Variants in PTPRO observed in about 807,000 individuals in gnomAD.
PTPRO encodes receptor-type tyrosine-protein phosphatase O.
In PTPRO, 62 loss-of-function variants were observed where a neutral mutation model predicts 145.2. That is an observed-to-expected ratio of 0.43 (90% CI 0.35 to 0.53). The LOEUF (loss-of-function observed/expected upper bound fraction) is 0.53, where lower values mean the gene tolerates loss of function less well. PTPRO is among the 20% of genes least tolerant of loss of function. The pLI, the probability that PTPRO is intolerant of heterozygous loss-of-function variation, is 0.01. For synonymous variants in PTPRO, 565 were observed against 514.7 expected (o/e 1.10, Z -1.32); for missense variants, 1,345 against 1,482.7 (o/e 0.91, Z 1.53).
At chr12:15,323,220 T>C (rs1206814359) in intron 1 of PTPRO, among the ~76,000 whole-genome samples, 4 of 152,204 alleles carry the variant, frequency 2.6e-5, no homozygotes, top group Non-Finnish European at 5.9e-5. Flanking sequence ...GCTGGAATTA[T>C]ACACTGGAGA....
Position 15,569,515 on chromosome 12 carries a change from A to G in PTPRO, c.2829+17A>G. On this transcript the variant is annotated intron_variant, in intron 19 of 26. Coordinates refer to ENST00000281171, the MANE Select transcript of PTPRO (RefSeq NM_030667.3). ...CAGTTTGAGGTGAGTTGGTTAAGGC[A>G]TTTTCTACCTTCTGTAATGGAAAGG... The G allele has an allele frequency of 6.3e-7, 1 of 1,588,288 alleles. No individual in the cohort carries two copies. The highest frequency in any genetic ancestry group is 8.6e-7 in the Non-Finnish European group (1 of 1,156,804).
chr12:15,532,155 G>A (rs1484446806), intron 12 of PTPRO, among the ~76,000 whole-genome samples: 1 of 152,088 alleles, frequency 6.6e-6, no homozygotes, highest in East Asian at 1.9e-4. Context: ...CAAAAGCTAA[G>A]TTTTTGTGCT....
Position 15,480,713 on chromosome 12 carries a change from G to A in PTPRO, c.76-3261G>A, listed in dbSNP as rs370261641. Among the ~76,000 whole-genome samples the A allele has an allele frequency of 1.1e-3, 166 of 151,864 alleles. 1 individual carries two copies. The highest frequency in any genetic ancestry group is 0.01 in the Middle Eastern group (3 of 294). On this transcript the variant is annotated intron_variant, in intron 1 of 26. Transcript: ENST00000281171. ...AGCATCTGCCCTCTGGCTATAAGCT[G>A]ATGTAGAAGATGGATGGATGGATGG...
At chr12:15,353,400 AC>A (rs1400085903) in intron 1 of PTPRO, among the ~76,000 whole-genome samples, 2 of 150,648 alleles carry the variant, frequency 1.3e-5, no homozygotes, top group Non-Finnish European at 3.0e-5. Context: ...TAAGAATTTA[AC>A]CATGTTGATG....
chr12:15,589,658 T>G, intron 25 of PTPRO, 68 bp downstream of exon 25: 1 of 1,564,414 alleles, frequency 6.4e-7, no homozygotes, highest in Non-Finnish European at 8.8e-7. Flanking sequence ...TATTCAATGA[T>G]ATGCTTCAAA....
chr12:15,551,757 T>C (rs2135561944), intron 15 of PTPRO, 86 bp downstream of exon 15: 1 of 1,428,110 alleles, frequency 7.0e-7, no homozygotes, highest in Admixed American at 1.8e-5. Context: ...ACACCTAAGT[T>C]GTATAGCGGT....
At chr12:15,365,187 AG>A (rs1308083910) in intron 1 of PTPRO, among the ~76,000 whole-genome samples, 2 of 152,122 alleles carry the variant, frequency 1.3e-5, no homozygotes, top group African/African-American at 4.8e-5. Flanking sequence ...GGAGGTCCTT[AG>A]GAACCCTACA....
intron 1 of PTPRO, among the ~76,000 whole-genome samples, chr12:15,465,258 AG>A (rs1237487255): frequency 3.3e-5 from 5 of 152,250 alleles, no homozygotes; most frequent in African/African-American, 1.2e-4. Context: ...AAATAGCATC[AG>A]TGCTGGCTGA....
chr12:15,368,504 A>G lies in PTPRO; in HGVS notation c.75+45703A>G, dbSNP rs923743477. Among the ~76,000 whole-genome samples the G allele has an allele frequency of 5.3e-5, 8 of 152,172 alleles. No homozygotes were observed. In the East Asian group the frequency reaches 1.5e-3, roughly 29 times the overall value. ...TTGTCTTCCTTTCTACAATGTAGGCAAGGGTTTTTTCCTGTTCCCAGAATG... is the reference window on the plus strand; with the variant it reads ...TTGTCTTCCTTTCTACAATGTAGGCGAGGGTTTTTTCCTGTTCCCAGAATG... On this transcript the variant is annotated intron_variant, in intron 1 of 26. Transcript: ENST00000281171.
intron 1 of PTPRO, among the ~76,000 whole-genome samples, chr12:15,372,834 A>T (rs1591752974): frequency 1.3e-5 from 2 of 152,332 alleles, no homozygotes; most frequent in East Asian, 3.9e-4. Flanking sequence ...TAGACTGAGA[A>T]TAAATAGACT....
At chr12:15,356,937 T>C (rs971739222) in intron 1 of PTPRO, among the ~76,000 whole-genome samples, 2 of 152,168 alleles carry the variant, frequency 1.3e-5, no homozygotes, top group African/African-American at 4.8e-5. Context: ...GTCAATGCTG[T>C]AGATAATTGC....
rs141410112 is a variant in PTPRO, at chr12:15,497,286, C to A, written c.391C>A (p.Pro131Thr). The change falls in exon 3 of 27, where the codon CCT becomes ACT. Residue 131 changes from proline to threonine, a missense_variant. Physicochemically the swap from Pro to Thr is conservative, Grantham distance 38. Around this residue, in one of 3 missense-constraint regions of PTPRO, gnomAD observed 1,130 missense variants for 1,214.7 expected, o/e 0.93. Transcript: ENST00000281171. ...CAGTGTTTCCATATATGACTATAAA[C>A]CTTCTCCTGAAACAGGAGTCCTGTT... ...VTSVSIYDYK[P>T]SPETGVLFEI... The A allele has an allele frequency of 6.9e-6, 11 of 1,587,106 alleles. No individual in the cohort carries two copies. The highest frequency in any genetic ancestry group is 7.8e-6 in the Non-Finnish European group (9 of 1,155,820).
At chr12:15,559,963 T>G (rs1771948725) in intron 16 of PTPRO, among the ~76,000 whole-genome samples, 1 of 152,176 alleles carries the variant, frequency 6.6e-6, no homozygotes, top group Non-Finnish European at 1.5e-5. Flanking sequence ...GAAAGAAATA[T>G]ATCTGATTAC....
At chr12:15,472,389 G>T (rs1230155385) in intron 1 of PTPRO, among the ~76,000 whole-genome samples, 1 of 152,180 alleles carries the variant, frequency 6.6e-6, no homozygotes, top group East Asian at 1.9e-4. Context: ...AAGAGTTCAT[G>T]ATTTCCTTTG....
intron 12 of PTPRO, among the ~76,000 whole-genome samples, chr12:15,539,401 A>G (rs1269229068): frequency 6.6e-6 from 1 of 152,198 alleles, no homozygotes; most frequent in Non-Finnish European, 1.5e-5. Context: ...TTAAGGTACT[A>G]AAACTATCAA....
chr12:15,332,913 C>T (rs992090382), intron 1 of PTPRO, among the ~76,000 whole-genome samples: 1 of 152,194 alleles, frequency 6.6e-6, no homozygotes, highest in African/African-American at 2.4e-5. Flanking sequence ...GCTTTGCCAA[C>T]AGACCTGATG....
chr12:15,587,102 A>C (rs1420406411), intron 24 of PTPRO, 51 bp downstream of exon 24: 1 of 1,599,402 alleles, frequency 6.3e-7, no homozygotes, highest in Admixed American at 1.7e-5. Flanking sequence ...TGGTTTTGTA[A>C]GGGGAACAGC....
chr12:15,552,491 T>A (rs1343840298), intron 15 of PTPRO, among the ~76,000 whole-genome samples: 1 of 152,214 alleles, frequency 6.6e-6, no homozygotes, highest in Non-Finnish European at 1.5e-5. Context: ...CCAATAGTGA[T>A]CTAATCAGTG....
intron 1 of PTPRO, among the ~76,000 whole-genome samples, chr12:15,361,824 A>G (rs1038206978): frequency 6.6e-6 from 1 of 152,234 alleles, no homozygotes; most frequent in South Asian, 2.1e-4. Flanking sequence ...AAATCAAACT[A>G]TTGTGTACAA....
Sources: allele counts gnomAD v4.1 joint callset (sites outside exome capture counted in the v4.1 genomes callset), GRCh38; gene constraint gnomAD v4.1.1; regional missense constraint gnomAD v4.1.1; transcripts MANE v1.5; gene names NCBI Gene and HGNC (gene_info 2026-07-23, HGNC 2026-07-21).